Variants in MTOR observed in about 807,000 individuals in gnomAD.
MTOR encodes the protein mechanistic target of rapamycin kinase, also known as serine/threonine-protein kinase mTOR.
MTOR carries 70 observed loss-of-function variants against 319.8 expected under a neutral mutation model. The observed-to-expected ratio is 0.22, with a 90% CI of 0.18 to 0.27. The LOEUF (loss-of-function observed/expected upper bound fraction) is 0.27, where lower values mean the gene tolerates loss of function less well. Ranked by LOEUF, MTOR falls within the 10% of genes least tolerant of loss-of-function variation. The pLI, the probability that MTOR is intolerant of heterozygous loss-of-function variation, is 1.00. For missense variants in MTOR, 1,890 were observed against 3,274.4 expected, an observed-to-expected ratio of 0.58 and a Z score of 10.32; for synonymous variants, 1,183 against 1,211.4, an observed-to-expected ratio of 0.98 and a Z score of 0.49.
rs775166193 is a variant in MTOR at position 11,127,083 on chromosome 1, T to C, written c.6278A>G (p.Asn2093Ser). 1.2e-6 allele frequency: 2 copies of C among 1,614,194 alleles called. No homozygotes were observed. The highest frequency in any genetic ancestry group is 2.2e-5 in the South Asian group (2 of 91,078). Residue 2093 changes from asparagine (N) to serine (S), a missense_variant, in exon 45 of 58, where the codon AAT becomes AGT. Coordinates refer to ENST00000361445, the MANE Select transcript of MTOR (RefSeq NM_004958.4). The surrounding 1 kb of genome is among the most constrained non-coding windows in gnomAD (Gnocchi z 5.5). ...EWCRKYMKSG[N>S]VKDLTQAWDL... is the part of the protein sequence containing the mutation. Reference sequence around the variant, plus strand: ...CCAGGCTTGGGTGAGGTCCTTGACATTCCCTGATTTCATGTACTTCCTGCA... The same window carrying C: ...CCAGGCTTGGGTGAGGTCCTTGACACTCCCTGATTTCATGTACTTCCTGCA...
intron 18 of MTOR, 30 bp downstream of exon 18, chr1:11,230,895 G>C (rs1245171410): frequency 6.2e-7 from 1 of 1,612,810 alleles, no homozygotes; most frequent in South Asian, 1.1e-5. Context: ...TGAGAACTTG[G>C]CAAGTCTTTC....
At chr1:11,120,779 C>T (rs1409727817) in intron 49 of MTOR, among the ~76,000 whole-genome samples, 3 of 152,074 alleles carry the variant, frequency 2.0e-5, no homozygotes, top group Non-Finnish European at 4.4e-5. Context: ...TGTAAACAGT[C>T]ATTCTACTAT....
rs113685190 is a variant in MTOR at position 11,249,492 on chromosome 1, A to T, written c.841-1398T>A. ...GGGGGATTTGGCAGGGTCATGGGAC[A>T]ATAGTGGAGGGAAGGTCAGCAGATA... is the stretch of plus-strand genomic sequence containing the variant. On this transcript the variant is annotated intron_variant, in intron 6 of 57. Coordinates refer to ENST00000361445, the MANE Select transcript of MTOR (RefSeq NM_004958.4). 2.6e-3 allele frequency among the ~76,000 whole-genome samples: 392 copies of T among 149,586 alleles called. 4 individuals are homozygous for T. The highest frequency in any genetic ancestry group is 8.9e-3 in the African/African-American group (361 of 40,766).
At chr1:11,198,453 C>CT (rs1335728041) in intron 28 of MTOR, among the ~76,000 whole-genome samples, 1 of 152,178 alleles carries the variant, frequency 6.6e-6, no homozygotes, top group Non-Finnish European at 1.5e-5. Context: ...AAAGGAGGCT[C>CT]TATCCTCCTT....
chr1:11,228,610 G>T (rs1247076858), intron 19 of MTOR, 58 bp downstream of exon 19: 1 of 1,578,288 alleles, frequency 6.3e-7, no homozygotes, highest in Non-Finnish European at 8.6e-7. Context: ...AGCACAGATG[G>T]ATCTGTGCAT....
chr1:11,176,640 G>A (rs1459614698), intron 28 of MTOR, among the ~76,000 whole-genome samples: 1 of 152,190 alleles, frequency 6.6e-6, no homozygotes, highest in East Asian at 1.9e-4. Context: ...TGGCAGGTCT[G>A]ACTGAAGTGG....
intron 47 of MTOR, among the ~76,000 whole-genome samples, chr1:11,122,621 C>A (rs565283535): frequency 2.0e-5 from 3 of 151,292 alleles, no homozygotes; most frequent in African/African-American, 7.3e-5. Flanking sequence ...GATTCTCCTG[C>A]GTCAGCCTCC....
chr1:11,133,035 G>A lies in MTOR; in HGVS notation c.5364+45C>T. Reference sequence around the variant, plus strand: ...ACCACGAGCACACAGGAGGACACGAGCCAGCCAGGGTGCTGGGTCTCACAG... The same window carrying A: ...ACCACGAGCACACAGGAGGACACGAACCAGCCAGGGTGCTGGGTCTCACAG... On this transcript the variant is annotated intron_variant, in intron 38 of 57. Coordinates refer to ENST00000361445, the MANE Select transcript of MTOR (RefSeq NM_004958.4). The surrounding 1 kb of genome is among the most constrained non-coding windows in gnomAD (Gnocchi z 4.0). The A allele has an allele frequency of 6.5e-7, 1 of 1,539,598 alleles. No homozygotes were observed. The highest frequency in any genetic ancestry group is 9.0e-7 in the Non-Finnish European group (1 of 1,113,724).
At chr1:11,112,263 A>C (rs1012510131) in intron 54 of MTOR, among the ~76,000 whole-genome samples, 3 of 152,208 alleles carry the variant, frequency 2.0e-5, no homozygotes, top group Non-Finnish European at 2.9e-5. Flanking sequence ...TTGAGGACCA[A>C]GGTAATACTG....
At chr1:11,151,398 T>G (rs2100542730) in intron 30 of MTOR, among the ~76,000 whole-genome samples, 1 of 152,164 alleles carries the variant, frequency 6.6e-6, no homozygotes, top group South Asian at 2.1e-4. Flanking sequence ...GAAGCTCCAT[T>G]AAGGGAACAG....
chr1:11,245,609 A>G (rs1252903960), intron 8 of MTOR, among the ~76,000 whole-genome samples: 1 of 152,180 alleles, frequency 6.6e-6, no homozygotes, highest in Non-Finnish European at 1.5e-5. Flanking sequence ...TCAAGAGCAT[A>G]ATTTCCTGGC....
At chr1:11,123,373 C>T (rs890280622) in intron 47 of MTOR, among the ~76,000 whole-genome samples, 1 of 151,280 alleles carries the variant, frequency 6.6e-6, no homozygotes, top group East Asian at 1.9e-4. Flanking sequence ...TCTCCTGCCT[C>T]AGCCCCCTGA....
At chr1:11,195,115 G>A (rs891613444) in intron 28 of MTOR, 4 of 1,344,770 alleles carry the variant, frequency 3.0e-6, no homozygotes, top group South Asian at 2.8e-5. Context: ...GTTAGAAAGG[G>A]TAGGACTGAG....
At chr1:11,178,681 C>T (rs1002449957) in intron 28 of MTOR, among the ~76,000 whole-genome samples, 1 of 152,094 alleles carries the variant, frequency 6.6e-6, no homozygotes, top group Admixed American at 6.5e-5. Context: ...AGAGAGACTA[C>T]TAGAAAGAAG....
chr1:11,246,926 G>C (rs1414567385), intron 8 of MTOR, among the ~76,000 whole-genome samples: 5 of 152,234 alleles, frequency 3.3e-5, no homozygotes, highest in Non-Finnish European at 7.3e-5. Flanking sequence ...TTAGGGCTCT[G>C]TGCCAGGCAC....
chr1:11,154,188 A>ACAG lies in MTOR; in HGVS notation c.4469+2963_4469+2964insCTG, dbSNP rs1644246649. Among the ~76,000 whole-genome samples the ACAG allele has an allele frequency of 5.9e-5, 9 of 151,472 alleles. 1 individual carries two copies. The South Asian group carries it at 1.9e-3, about 32-fold the overall frequency. On this transcript the variant is annotated intron_variant, in intron 30 of 57. Transcript: ENST00000361445. ...GAGAAAAACAACAACAACAACAACA[A>ACAG]CAACAACAACAGCTTTAGTTATATA...
At chr1:11,215,264 C>T (rs1386402666) in intron 20 of MTOR, among the ~76,000 whole-genome samples, 4 of 152,186 alleles carry the variant, frequency 2.6e-5, no homozygotes, top group African/African-American at 2.4e-5. Flanking sequence ...GACTAGCCAT[C>T]GGCCTCTTTA....
At chr1:11,260,486 G>A (rs1164092814) in intron 1 of MTOR, among the ~76,000 whole-genome samples, 2 of 151,686 alleles carry the variant, frequency 1.3e-5, no homozygotes, top group East Asian at 3.9e-4. Context: ...AGGTTGCAGT[G>A]AGCTGAGATT....
intron 49 of MTOR, among the ~76,000 whole-genome samples, chr1:11,120,904 C>A (rs956568265): frequency 1.3e-5 from 2 of 152,114 alleles, no homozygotes; most frequent in East Asian, 1.9e-4. Context: ...GACTGTGTAT[C>A]AAAAACCAAA....
Sources: gnomAD v4.1 joint callset for allele counts (sites outside exome capture counted in the v4.1 genomes callset) on GRCh38, gnomAD v4.1.1 for gene constraint, Gnocchi (gnomAD v3.1) non-coding constraint, MANE v1.5 for transcripts, NCBI Gene and HGNC (gene_info 2026-07-23, HGNC 2026-07-21) for gene names.